The following SOX5 variants were observed in gnomAD, a reference collection of about 807,000 sequenced individuals.
SOX5 encodes the protein transcription factor SOX-5.
SOX5 carries 9 observed loss-of-function variants against 92.0 expected under a neutral mutation model. The ratio of observed to expected loss-of-function variants is 0.10; its 90% CI spans 0.06 to 0.17. The LOEUF (loss-of-function observed/expected upper bound fraction) is 0.17, where lower values mean the gene tolerates loss of function less well. Ranked by LOEUF, SOX5 falls within the 10% of genes least tolerant of loss-of-function variation. The pLI is 1.00. For synonymous variants in SOX5, 344 were observed against 336.3 expected (o/e 1.02, Z -0.25); for missense variants, 642 against 944.5 (o/e 0.68, Z 4.20).
chr12:23,793,536 T>A (rs531874965), intron 3 of SOX5, among the ~76,000 whole-genome samples: 1 of 152,270 alleles, frequency 6.6e-6, no homozygotes, highest in Admixed American at 6.5e-5. Flanking sequence ...CTGTATTTTA[T>A]GGGGTATAGG....
chr12:23,755,834 CAT>C, intron 3 of SOX5, 110 bp from the exon 4 acceptor site: 1 of 624,298 alleles, frequency 1.6e-6, no homozygotes, highest in Non-Finnish European at 2.7e-6. Flanking sequence ...AGCCCCACTT[CAT>C]AATGGCTTCA....
At chr12:23,966,843 G>A (rs1342412635) in intron 4 of SOX5, among the ~76,000 whole-genome samples, 5 of 152,124 alleles carry the variant, frequency 3.3e-5, no homozygotes, top group Non-Finnish European at 1.5e-5. Flanking sequence ...AGAGCCAATA[G>A]TGTTGTTTAT....
chr12:24,443,978 C>A (rs926414835), intron 1 of SOX5, among the ~76,000 whole-genome samples: 2 of 152,132 alleles, frequency 1.3e-5, no homozygotes, highest in East Asian at 3.9e-4. Context: ...CTTCCAGAAA[C>A]CTGTGGTCTT....
chr12:23,706,556 C>T (rs1294186969), intron 6 of SOX5, among the ~76,000 whole-genome samples: 1 of 151,900 alleles, frequency 6.6e-6, no homozygotes, highest in African/African-American at 2.4e-5. Flanking sequence ...TTTATAATAA[C>T]TCCAGCTAGG....
At chr12:24,278,019 T>A (rs1420372978) in intron 2 of SOX5, among the ~76,000 whole-genome samples, 1 of 152,130 alleles carries the variant, frequency 6.6e-6, no homozygotes, top group Non-Finnish European at 1.5e-5. Context: ...AAATCGGCCC[T>A]GACAATCTGT....
chr12:23,781,423 A>G (rs899282646), intron 3 of SOX5, among the ~76,000 whole-genome samples: 4 of 152,114 alleles, frequency 2.6e-5, no homozygotes, highest in African/African-American at 9.6e-5. Context: ...GCATGCTTAC[A>G]AGGTCTACCT....
rs1035218898 is a variant in SOX5 at position 23,530,787 on chromosome 12, G to A, written c.*3432C>T. The A allele has an allele frequency of 1.3e-5, 2 of 151,124 alleles. No individual in the cohort carries two copies. Among genetic ancestry groups the A allele is most frequent in the Non-Finnish European group, 2.9e-5 (2 of 67,850 alleles). 9.4% of individuals were successfully genotyped at this position (151,124 alleles called of 1,614,324 possible). ...AGAATTCTGGCAAGATTATTTCTCA[G>A]TGTTGGGGCAAGTGTGTGTGTGTGT... On this transcript the variant is annotated 3_prime_UTR_variant, in exon 15 of 15. Coordinates refer to ENST00000451604, the MANE Select transcript of SOX5 (RefSeq NM_006940.6).
intron 4 of SOX5, among the ~76,000 whole-genome samples, chr12:24,083,363 A>G (rs1352228301): frequency 1.3e-5 from 2 of 152,038 alleles, no homozygotes; most frequent in Non-Finnish European, 2.9e-5. Flanking sequence ...ACTGAGCACC[A>G]ACTTTCTGCA....
rs553943094 is a variant in SOX5 at position 24,287,851 on chromosome 12, C to T, written c.-173-10539G>A. Among the ~76,000 whole-genome samples the T allele has an allele frequency of 1.1e-3, 167 of 152,106 alleles. 1 individual carries two copies. The highest frequency in any genetic ancestry group is 6.8e-3 in the Middle Eastern group (2 of 294). On this transcript the variant is annotated intron_variant, in intron 2 of 4. Coordinates refer to the SOX5 transcript ENST00000446891. ...GAAAAATTCTTACGAGACCCCAAATCACAGAACAACAATGCAGCAGGAAAC... is the reference window on the plus strand; with the variant it reads ...GAAAAATTCTTACGAGACCCCAAATTACAGAACAACAATGCAGCAGGAAAC...
chr12:24,456,053 G>T (rs950225286), intron 1 of SOX5, among the ~76,000 whole-genome samples: 5 of 152,118 alleles, frequency 3.3e-5, no homozygotes, highest in African/African-American at 9.7e-5. Flanking sequence ...CTCCTCACAG[G>T]TGTTAATCCT....
chr12:23,914,615 G>A (rs1243780178), intron 1 of SOX5, among the ~76,000 whole-genome samples: 2 of 152,016 alleles, frequency 1.3e-5, no homozygotes, highest in Non-Finnish European at 2.9e-5. Context: ...AAGCAGTAAA[G>A]CAAAAGAGCT....
At chr12:24,274,449 G>C (rs1002667137) in intron 3 of SOX5, among the ~76,000 whole-genome samples, 3 of 152,128 alleles carry the variant, frequency 2.0e-5, no homozygotes, top group African/African-American at 7.2e-5. Flanking sequence ...TGTCCACATA[G>C]TATCCATTTG....
At chr12:24,394,616 G>C (rs1200063253) in intron 1 of SOX5, among the ~76,000 whole-genome samples, 1 of 152,140 alleles carries the variant, frequency 6.6e-6, no homozygotes, top group Non-Finnish European at 1.5e-5. Flanking sequence ...ACCAAGTTGT[G>C]CAATTAATAT....
chr12:24,404,129 T>C (rs1406289470), intron 1 of SOX5, among the ~76,000 whole-genome samples: 1 of 152,216 alleles, frequency 6.6e-6, no homozygotes, highest in Non-Finnish European at 1.5e-5. Flanking sequence ...GCTATCATTA[T>C]CATTATCCAG....
intron 6 of SOX5, among the ~76,000 whole-genome samples, chr12:23,734,191 A>AG (rs1393737415): frequency 6.6e-6 from 1 of 152,176 alleles, no homozygotes; most frequent in Non-Finnish European, 1.5e-5. Context: ...CACAGCCTTC[A>AG]GGCTTGTTTT....
At chr12:23,769,723 A>G (rs1006057151) in intron 3 of SOX5, among the ~76,000 whole-genome samples, 3 of 152,278 alleles carry the variant, frequency 2.0e-5, no homozygotes, top group South Asian at 4.1e-4. Context: ...CTCTTTGCCA[A>G]TACAAATTCC....
intron 3 of SOX5, among the ~76,000 whole-genome samples, chr12:24,242,741 G>A (rs1937685779): frequency 6.6e-6 from 1 of 152,122 alleles, no homozygotes; most frequent in Admixed American, 6.6e-5. Flanking sequence ...GCAGGGGGAA[G>A]CAGATCCTCA....
At position 23,553,516 on chromosome 12, in the gene SOX5, G is replaced by A. The variant is rs180959889; in HGVS notation, c.1489-7092C>T. 5.9e-5 allele frequency among the ~76,000 whole-genome samples: 9 copies of A among 152,144 alleles called. 1 individual carries two copies. Among genetic ancestry groups the A allele is most frequent in the Admixed American group, 3.9e-4 (6 of 15,270 alleles). ...TCTTTGTTATCATGGTGCTTATGGT[G>A]TGTACATGTGGAAGAAGGGAGGCAG... On this transcript the variant is annotated intron_variant, in intron 11 of 14. Coordinates refer to ENST00000451604, the MANE Select transcript of SOX5 (RefSeq NM_006940.6).
intron 4 of SOX5, among the ~76,000 whole-genome samples, chr12:24,107,978 A>C (rs1357396286): frequency 6.6e-6 from 1 of 152,196 alleles, no homozygotes; most frequent in Non-Finnish European, 1.5e-5. Flanking sequence ...GCTTCAAATA[A>C]AGTTTTAAAA....
Sources: gnomAD v4.1 joint callset for allele counts (sites outside exome capture counted in the v4.1 genomes callset) on GRCh38, gnomAD v4.1.1 for gene constraint, MANE v1.5 for transcripts, NCBI Gene and HGNC (gene_info 2026-07-23, HGNC 2026-07-21) for gene names.